The following CBFA2T2 variants were observed in gnomAD, a reference collection of about 807,000 sequenced individuals.
The protein encoded by CBFA2T2 is CBFA2/RUNX1 partner transcriptional co-repressor 2, also known as protein CBFA2T2.
In CBFA2T2, 11 loss-of-function variants were observed where a neutral mutation model predicts 62.2. The observed-to-expected ratio is 0.18, with a 90% CI of 0.11 to 0.29. The LOEUF (loss-of-function observed/expected upper bound fraction) is 0.29, where lower values mean the gene tolerates loss of function less well. CBFA2T2 is among the 10% of genes least tolerant of loss of function. The pLI is 1.00. For synonymous variants in CBFA2T2, 295 were observed against 287.5 expected, an observed-to-expected ratio of 1.03 and a Z score of -0.27; for missense variants, 592 against 774.1, an observed-to-expected ratio of 0.76 and a Z score of 2.79.
chr20:33,570,679 G>A (rs188449831), intron 1 of CBFA2T2, among the ~76,000 whole-genome samples: 1 of 152,102 alleles, frequency 6.6e-6, no homozygotes, highest in Non-Finnish European at 1.5e-5. Flanking sequence ...GAAGAATGGG[G>A]GTTTCCTTCT....
At chr20:33,518,045 T>A (rs1313730593) in intron 1 of CBFA2T2, among the ~76,000 whole-genome samples, 1 of 151,916 alleles carries the variant, frequency 6.6e-6, no homozygotes, top group African/African-American at 2.4e-5. Flanking sequence ...ACCTTCCAGG[T>A]TCAAGTGATT....
In CBFA2T2 at chr20:33,621,287, C is replaced by CTTTTTTTTTTTTTTTTTTTTTTTTTTTT. The variant is rs199805350; in HGVS notation, c.510+1707_510+1708insTTTTTTTTTTTTTTTTTTTTTTTTTTTT. Reference sequence around the variant, plus strand: ...TCTATAATACCTTTAATTTTACTGCCTTTTTTTTTTTTTTTTTTTTTTTTT... The same window carrying CTTTTTTTTTTTTTTTTTTTTTTTTTTTT: ...TCTATAATACCTTTAATTTTACTGCCTTTTTTTTTTTTTTTTTTTTTTTTTTTTTTTTTTTTTTTTTTTTTTTTTTTTT... On this transcript the variant is annotated intron_variant, in intron 4 of 10. Coordinates refer to ENST00000342704, the MANE Select transcript of CBFA2T2 (RefSeq NM_001032999.3). 8.7e-4 allele frequency among the ~76,000 whole-genome samples: 74 copies of CTTTTTTTTTTTTTTTTTTTTTTTTTTTT among 85,296 alleles called. 4 individuals are homozygous for CTTTTTTTTTTTTTTTTTTTTTTTTTTTT. The highest frequency in any genetic ancestry group is 2.9e-3 in the East Asian group (7 of 2,418). 56.0% of individuals were successfully genotyped at this position (85,296 alleles called of 152,430 possible). A position where few individuals can be genotyped will look rare whatever the true frequency, so the allele number is the denominator to read the frequency against.
At chr20:33,603,564 A>G (rs1255783976) in intron 1 of CBFA2T2, among the ~76,000 whole-genome samples, 1 of 152,214 alleles carries the variant, frequency 6.6e-6, no homozygotes. Context: ...GGGTGACTAA[A>G]TTGTCAGTTA....
At chr20:33,604,016 A>G (rs1471767049) in intron 1 of CBFA2T2, among the ~76,000 whole-genome samples, 1 of 152,170 alleles carries the variant, frequency 6.6e-6, no homozygotes, top group African/African-American at 2.4e-5. Context: ...ATCTCACTCC[A>G]TGAAGGGCAT....
intron 1 of CBFA2T2, among the ~76,000 whole-genome samples, chr20:33,571,345 C>G (rs2146902952): frequency 6.6e-6 from 1 of 152,278 alleles, no homozygotes; most frequent in South Asian, 2.1e-4. Context: ...AATAGATACT[C>G]TTAATTGAAT....
At chr20:33,559,193 T>TTTTTTTTTTTTTTTTTTTTTTTTTTTC (rs1555835221) in intron 1 of CBFA2T2, among the ~76,000 whole-genome samples, 1 of 143,928 alleles carries the variant, frequency 6.9e-6, no homozygotes, top group African/African-American at 2.8e-5. Flanking sequence ...TTTTTTTTTT[T>TTTTTTTTTTTTTTTTTTTTTTTTTTTC]CTGAGATGGA....
intron 5 of CBFA2T2, chr20:33,623,995 A>T (rs1334597578): frequency 2.6e-5 from 15 of 572,524 alleles, no homozygotes; most frequent in Admixed American, 2.1e-4. Flanking sequence ...ACAAAAAAAA[A>T]GAAATACAAT....
intron 1 of CBFA2T2, among the ~76,000 whole-genome samples, chr20:33,494,243 G>GTATATATATATATA (rs869164142): frequency 3.3e-5 from 1 of 30,308 alleles, no homozygotes. Context: ...ATATATATGT[G>GTATATATATATATA]TATATATATA....
At chr20:33,578,810 C>T (rs1425090191) in intron 1 of CBFA2T2, among the ~76,000 whole-genome samples, 1 of 152,180 alleles carries the variant, frequency 6.6e-6, no homozygotes, top group African/African-American at 2.4e-5. Context: ...TTATCAAGCT[C>T]AGCCTTCAGG....
At chr20:33,620,337 C>T (rs1156876757) in intron 4 of CBFA2T2, among the ~76,000 whole-genome samples, 1 of 151,136 alleles carries the variant, frequency 6.6e-6, no homozygotes, top group Non-Finnish European at 1.5e-5. Flanking sequence ...GCAAAACCCC[C>T]GTCTCTGCCA....
Position 33,649,991 on chromosome 20 carries a change from T to C in CBFA2T2, c.*5345T>C, listed in dbSNP as rs1344883133. The C allele has an allele frequency of 6.6e-6, 1 of 152,642 alleles. No homozygotes were observed. The highest frequency in any genetic ancestry group is 1.9e-4 in the East Asian group (1 of 5,206). The allele number at this position is 152,642 out of a possible 1,614,324, so 9.5% of individuals were successfully genotyped here. A position where few individuals can be genotyped will look rare whatever the true frequency, so the allele number is the denominator to read the frequency against. On this transcript the variant is annotated 3_prime_UTR_variant, in exon 11 of 11. Transcript: ENST00000342704. The stretch of plus-strand genomic sequence containing the variant: ...CAAAACTGTTAAATATGTATTTAGT[T>C]TGTTCTACTTAAAGTAGTCAATAAA...
At chr20:33,541,410 G>A (rs1043978557) in intron 1 of CBFA2T2, among the ~76,000 whole-genome samples, 2 of 152,198 alleles carry the variant, frequency 1.3e-5, no homozygotes, top group African/African-American at 2.4e-5. Flanking sequence ...TTCTTAAATT[G>A]TATATGGGTG....
intron 1 of CBFA2T2, among the ~76,000 whole-genome samples, chr20:33,545,470 T>TTTCGTTCG (rs1555833726): frequency 1.3e-5 from 2 of 151,326 alleles, no homozygotes; most frequent in African/African-American, 4.9e-5. Flanking sequence ...TCTTTCTTTC[T>TTTCGTTCG]TTCGTTCGTT....
chr20:33,502,515 T>C (rs541830176), intron 1 of CBFA2T2, among the ~76,000 whole-genome samples: 36 of 151,982 alleles, frequency 2.4e-4, no homozygotes, highest in Non-Finnish European at 4.7e-4. Flanking sequence ...CACGCCATTC[T>C]GCCTCAGCCT....
chr20:33,597,348 C>T (rs920873085), intron 1 of CBFA2T2, among the ~76,000 whole-genome samples: 2 of 152,140 alleles, frequency 1.3e-5, no homozygotes, highest in African/African-American at 4.8e-5. Flanking sequence ...TTCTAAGATT[C>T]AATTTAGGAA....
intron 2 of CBFA2T2, among the ~76,000 whole-genome samples, chr20:33,610,228 G>A (rs1010718508): frequency 6.6e-5 from 10 of 152,170 alleles, no homozygotes; most frequent in African/African-American, 2.2e-4. Flanking sequence ...GGTCGAGGCT[G>A]CACCAGGAGG....
At chr20:33,494,258 TATATATATATATA>T (rs2011173234) in intron 1 of CBFA2T2, among the ~76,000 whole-genome samples, 3 of 78,154 alleles carry the variant, frequency 3.8e-5, no homozygotes, top group African/African-American at 1.1e-4. Flanking sequence ...TATATATATA[TATATATATATATA>T]TATTTTTTTT....
intron 1 of CBFA2T2, among the ~76,000 whole-genome samples, chr20:33,559,216 C>T (rs535606893): frequency 1.2e-4 from 15 of 120,028 alleles, no homozygotes; most frequent in African/African-American, 4.4e-4. Flanking sequence ...GTCACTCTGT[C>T]ACCCAGGCTG....
chr20:33,523,359 A>G (rs1381698134), intron 1 of CBFA2T2, among the ~76,000 whole-genome samples: 1 of 150,890 alleles, frequency 6.6e-6, no homozygotes, highest in Non-Finnish European at 1.5e-5. Flanking sequence ...GGCTCACTGC[A>G]ACCTCTGCCT....
Sources: allele counts gnomAD v4.1 joint callset (sites outside exome capture counted in the v4.1 genomes callset), GRCh38; gene constraint gnomAD v4.1.1; transcripts MANE v1.5; gene names NCBI Gene and HGNC (gene_info 2026-07-23, HGNC 2026-07-21).